The following RINT1 variants were observed in gnomAD, a reference collection of about 807,000 sequenced individuals.
RINT1 encodes RAD50-interacting protein 1.
RINT1 carries 75 observed loss-of-function variants against 97.7 expected under a neutral mutation model. That is an observed-to-expected ratio of 0.77 (90% CI 0.64 to 0.93). The LOEUF (loss-of-function observed/expected upper bound fraction) is 0.93. Among genes scored for constraint, RINT1 ranks in the 40% least tolerant of loss-of-function variants. RINT1 has a pLI of 0.00. For missense variants in RINT1, 892 were observed against 925.2 expected (o/e 0.96, Z 0.47); for synonymous variants, 303 against 326.3 (o/e 0.93, Z 0.77).
chr7:105,548,785 A>G (rs1790797091), intron 7 of RINT1, 75 bp downstream of exon 7: 5 of 1,385,352 alleles, frequency 3.6e-6, no homozygotes, highest in Admixed American at 2.3e-5. Context: ...TGCTGGTTTA[A>G]GTTAAAATCT....
Position 105,543,390 on chromosome 7 carries a change from A to G in RINT1, c.515+741A>G, listed in dbSNP as rs564355782. 3.3e-5 allele frequency among the ~76,000 whole-genome samples: 5 copies of G among 152,322 alleles called. No homozygotes were observed. The South Asian group carries it at 1.0e-3, about 32-fold the overall frequency. On this transcript the variant is annotated intron_variant, in intron 4 of 14. Transcript: ENST00000257700. The stretch of plus-strand genomic sequence containing the variant: ...AAGAGCTACACAGTATTCTTGGATG[A>G]ATAACAAGAGTTCTGCTACCTCTGG...
chr7:105,541,444 T>G (rs1790456162), intron 3 of RINT1, among the ~76,000 whole-genome samples: 1 of 151,770 alleles, frequency 6.6e-6, no homozygotes. Flanking sequence ...GCCCTTCCTT[T>G]GCTTTGAAGG....
intron 1 of RINT1, 152 bp downstream of exon 1, chr7:105,532,509 A>G (rs1790075016): frequency 1.1e-6 from 1 of 884,656 alleles, no homozygotes. Flanking sequence ...AAGACCTCCT[A>G]GAGGAGGCGG....
At chr7:105,566,818 T>TA (rs1791773500) in intron 14 of RINT1, 2 of 180,884 alleles carry the variant, frequency 1.1e-5, no homozygotes, top group African/African-American at 4.7e-5. Flanking sequence ...TCCCATGTTC[T>TA]AATCTACCTA....
chr7:105,548,426 G>T, intron 6 of RINT1, 128 bp from the exon 7 acceptor site: 2 of 749,210 alleles, frequency 2.7e-6, no homozygotes, highest in East Asian at 2.6e-5. Context: ...CATATTATTT[G>T]CATCATAATT....
chr7:105,557,145 G>T (rs1706910), intron 11 of RINT1, among the ~76,000 whole-genome samples: 148,640 of 152,208 alleles, frequency 0.98, 72,658 homozygotes, highest in East Asian at 1. Context: ...CTAACTATAC[G>T]GAATAAATCT....
At chr7:105,533,708 T>C (rs1790120924) in intron 2 of RINT1, among the ~76,000 whole-genome samples, 1 of 152,228 alleles carries the variant, frequency 6.6e-6, no homozygotes, top group South Asian at 2.1e-4. Context: ...CCATAGCACA[T>C]GACTGTCATA....
chr7:105,551,508 GT>G (rs1169280694), intron 9 of RINT1, 61 bp from the exon 10 acceptor site: 3 of 1,392,366 alleles, frequency 2.2e-6, no homozygotes, highest in Admixed American at 5.0e-5. Context: ...AAAATTACAA[GT>G]TGAATAATTA....
At chr7:105,554,145 G>A (rs1332055773) in intron 10 of RINT1, among the ~76,000 whole-genome samples, 11 of 151,106 alleles carry the variant, frequency 7.3e-5, no homozygotes, top group South Asian at 4.2e-4. Context: ...TGATCCACCC[G>A]CCTCAGCCTC....
At chr7:105,533,270 A>G (rs1790106124) in intron 2 of RINT1, among the ~76,000 whole-genome samples, 1 of 152,178 alleles carries the variant, frequency 6.6e-6, no homozygotes, top group East Asian at 1.9e-4. Flanking sequence ...GGCAAATGAC[A>G]GTTGTTTAGT....
In RINT1 at chr7:105,555,171, A is replaced by G. The variant is rs765128005; in HGVS notation, c.1615A>G (p.Ile539Val). The G allele has an allele frequency of 3.7e-6, 6 of 1,613,974 alleles. No individual in the cohort carries two copies. Among genetic ancestry groups the G allele is most frequent in the African/African-American group, 2.7e-5 (2 of 74,932 alleles). Residue 539 changes from isoleucine to valine, a missense_variant, in exon 11 of 15, where the codon ATT (isoleucine) becomes GTT (valine). Transcript: ENST00000257700. ...RASLGFRYCA[I>V]LNAVNYISTV... ...TTCCCTTGGCTTTCGATACTGTGCA[A>G]TTCTTAATGCTGTGAACTACATCTC...
chr7:105,559,607 G>C (rs1791348802), intron 11 of RINT1, among the ~76,000 whole-genome samples: 1 of 147,390 alleles, frequency 6.8e-6, no homozygotes, highest in African/African-American at 2.5e-5. Flanking sequence ...TATAATCCCA[G>C]CTACTCAGGA....
chr7:105,565,280 G>T lies in RINT1; in HGVS notation c.1890G>T (p.Trp630Cys), dbSNP rs775261161. The T allele has an allele frequency of 6.3e-7, 1 of 1,582,692 alleles. No homozygotes were observed. Among genetic ancestry groups the T allele is most frequent in the South Asian group, 1.1e-5 (1 of 87,100 alleles). ...GGTAAAAATGTGTTTTTTCCAGATG[G>T]TTGTCCTTGCCATCTCAGTCAGAGC... Reference protein sequence around the residue: ...DAAKLYKKERWLSLPSQSEQA... With the variant: ...DAAKLYKKERCLSLPSQSEQA... Residue 630 changes from tryptophan (W) to cysteine (C), a missense_variant, in exon 13 of 15, where the codon TGG (tryptophan) becomes TGT (cysteine). Transcript: ENST00000257700.
chr7:105,534,594 T>TTA (rs1439684945), intron 2 of RINT1, among the ~76,000 whole-genome samples: 1 of 150,442 alleles, frequency 6.6e-6, no homozygotes, highest in East Asian at 1.9e-4. Context: ...ATAATTTGTA[T>TTA]TATATAGTCC....
intron 4 of RINT1, among the ~76,000 whole-genome samples, chr7:105,543,511 A>C (rs1790542900): frequency 6.6e-6 from 1 of 152,148 alleles, no homozygotes; most frequent in Non-Finnish European, 1.5e-5. Flanking sequence ...TTTGCCTTTC[A>C]GACAACCCAA....
chr7:105,558,882 C>T (rs936240250), intron 11 of RINT1, among the ~76,000 whole-genome samples: 2 of 151,880 alleles, frequency 1.3e-5, no homozygotes, highest in African/African-American at 4.8e-5. Context: ...ATTGCTTGAG[C>T]CCGGGAGGTT....
intron 3 of RINT1, among the ~76,000 whole-genome samples, chr7:105,539,628 A>G (rs1173844046): frequency 6.6e-6 from 1 of 152,090 alleles, no homozygotes; most frequent in Non-Finnish European, 1.5e-5. Flanking sequence ...TTGGCCTTCC[A>G]AAGTGCTGGG....
In RINT1 at chr7:105,565,468, A is replaced by G. The variant is rs762443021; in HGVS notation, c.2067+11A>G. ...TACATCTACCAAGAAGTAAGTAAGA[A>G]TAGACTGTTTTTGGGCTGTGATAAT... On this transcript the variant is annotated intron_variant, in intron 13 of 14. Coordinates refer to ENST00000257700, the MANE Select transcript of RINT1 (RefSeq NM_021930.6). The G allele has an allele frequency of 1.9e-6, 3 of 1,612,678 alleles. No homozygotes were observed. In the African/African-American group the frequency reaches 4.0e-5, roughly 22 times the overall value.
At position 105,567,343 on chromosome 7, in the gene RINT1, G is replaced by GT; in HGVS notation, c.*35dup. On this transcript the variant is annotated 3_prime_UTR_variant, in exon 15 of 15. Transcript: ENST00000257700. Reference sequence around the variant, plus strand: ...TCAGAAAAAGGTTTCTTTGGTTTTTGTTTCTAAGAAAGAGGAAGCCAATTG... The same window carrying GT: ...TCAGAAAAAGGTTTCTTTGGTTTTTGTTTTCTAAGAAAGAGGAAGCCAATTG... 1 of 1,491,292 alleles carries GT rather than the reference G, an allele frequency of 6.7e-7. No individual in the cohort carries two copies. The allele number at this position is 1,491,292 out of a possible 1,614,324, so 92.4% of individuals were successfully genotyped here.
Sources: allele counts gnomAD v4.1 joint callset (sites outside exome capture counted in the v4.1 genomes callset), GRCh38; gene constraint gnomAD v4.1.1; transcripts MANE v1.5; gene names NCBI Gene and HGNC (gene_info 2026-07-23, HGNC 2026-07-21).